MAP4K3: variants seen among roughly 807,000 people sequenced by gnomAD.
The protein encoded by MAP4K3 is mitogen-activated protein kinase kinase kinase kinase 3.
A neutral mutation model predicts 143.5 loss-of-function variants in MAP4K3; 94 were observed. That is an observed-to-expected ratio of 0.65 (90% CI 0.55 to 0.78). The LOEUF (loss-of-function observed/expected upper bound fraction) is 0.78, where lower values mean the gene tolerates loss of function less well. Ranked by LOEUF, MAP4K3 falls within the 30% of genes least tolerant of loss-of-function variation. The pLI is 0.00. For synonymous variants in MAP4K3, 416 were observed against 347.2 expected (o/e 1.20, Z -2.20); for missense variants, 1,077 against 1,068.1 (o/e 1.01, Z -0.12).
At chr2:39,430,673 A>G (rs1665257210) in intron 1 of MAP4K3, among the ~76,000 whole-genome samples, 1 of 152,242 alleles carries the variant, frequency 6.6e-6, no homozygotes, top group African/African-American at 2.4e-5. Flanking sequence ...CTACTGCTGT[A>G]TTCACTAGTC....
intron 12 of MAP4K3, 104 bp downstream of exon 12, chr2:39,325,414 G>A (rs1411360974): frequency 1.6e-6 from 1 of 624,024 alleles, no homozygotes. Flanking sequence ...ATTTAAACTA[G>A]GCCCCAAAAT....
chr2:39,295,216 A>C (rs1682222114), intron 16 of MAP4K3, among the ~76,000 whole-genome samples: 1 of 152,136 alleles, frequency 6.6e-6, no homozygotes, highest in African/African-American at 2.4e-5. Flanking sequence ...TCTGAGTCTC[A>C]GGAGAGAAAT....
chr2:39,374,733 G>A (rs898111205), intron 2 of MAP4K3, among the ~76,000 whole-genome samples: 2 of 151,878 alleles, frequency 1.3e-5, no homozygotes, highest in Admixed American at 1.3e-4. Flanking sequence ...ATTTAAAGCT[G>A]CATAATTAAG....
intron 3 of MAP4K3, among the ~76,000 whole-genome samples, chr2:39,349,641 G>C (rs1007228705): frequency 1.3e-5 from 2 of 151,916 alleles, no homozygotes; most frequent in African/African-American, 4.8e-5. Context: ...AGGGAGAAGG[G>C]AAGAGAAGGG....
chr2:39,303,526 C>T (rs1157126820), intron 15 of MAP4K3, among the ~76,000 whole-genome samples: 1 of 151,836 alleles, frequency 6.6e-6, no homozygotes, highest in Admixed American at 6.6e-5. Context: ...TAGTCATTAA[C>T]ATAGTGTTTT....
At chr2:39,404,595 C>CA (rs1553316875) in intron 1 of MAP4K3, among the ~76,000 whole-genome samples, 1 of 121,960 alleles carries the variant, frequency 8.2e-6, no homozygotes, top group African/African-American at 3.0e-5. Flanking sequence ...TCTGAGGTTT[C>CA]TTTTTTTTTT....
At position 39,258,403 on chromosome 2, in the gene MAP4K3, T is replaced by C. The variant is rs2148437005; in HGVS notation, c.2415A>G (p.Lys805=). ...GTTCTGATGACAATTTCCTGCTAGA[T>C]TTTAATCTTCCTTGGAGATTTACTA... ...IKIVNLQGRL[K]SSRKLSSELT... Residue 805 remains lysine (K), a synonymous_variant, in exon 31 of 34, where the codon AAA becomes AAG. Transcript: ENST00000263881. 1 of 1,611,438 alleles carries C rather than the reference T, an allele frequency of 6.2e-7. No individual in the cohort carries two copies. The highest frequency in any genetic ancestry group is 1.1e-5 in the South Asian group (1 of 90,792).
In MAP4K3 at chr2:39,325,895, T is replaced by G. The variant is rs781239716; in HGVS notation, c.725+4A>C. On this transcript the variant is annotated splice_donor_region_variant and intron_variant, in intron 10 of 33. Coordinates refer to ENST00000263881, the MANE Select transcript of MAP4K3 (RefSeq NM_003618.4). ...ATAAAAGTAAATAACATAAAAATAC[T>G]TACCATTTCATTTTATCCTTTAGTT... is the stretch of plus-strand genomic sequence containing the variant. 5 of 1,575,088 alleles carry G rather than the reference T, an allele frequency of 3.2e-6. No individual in the cohort carries two copies. In the South Asian group the frequency reaches 5.7e-5, roughly 18 times the overall value.
chr2:39,304,019 T>C (rs1315121984), intron 15 of MAP4K3, among the ~76,000 whole-genome samples: 4 of 152,200 alleles, frequency 2.6e-5, no homozygotes, highest in Admixed American at 2.6e-4. Flanking sequence ...TTTATGGTTA[T>C]GGGCAAAACT....
intron 1 of MAP4K3, among the ~76,000 whole-genome samples, chr2:39,397,202 A>T (rs1666832547): frequency 6.6e-6 from 1 of 152,244 alleles, no homozygotes; most frequent in Non-Finnish European, 1.5e-5. Context: ...CTAAAAAAAA[A>T]TCCTATATAG....
At chr2:39,323,908 T>A (rs1305784127) in intron 12 of MAP4K3, 3 of 152,206 alleles carry the variant, frequency 2.0e-5, no homozygotes, top group African/African-American at 7.2e-5. Context: ...TAACAGAGTT[T>A]ATGCTTTAAC....
At chr2:39,343,510 G>A in intron 3 of MAP4K3, 58 bp from the exon 4 acceptor site, 1 of 1,397,148 alleles carries the variant, frequency 7.2e-7, no homozygotes, top group Non-Finnish European at 1.0e-6. Context: ...TCTGTGTGAG[G>A]TAACAAGTAT....
chr2:39,273,102 A>G (rs960632479), intron 24 of MAP4K3, among the ~76,000 whole-genome samples: 3 of 152,164 alleles, frequency 2.0e-5, no homozygotes, highest in Non-Finnish European at 2.9e-5. Flanking sequence ...ATTTAGTACC[A>G]TAAGAACTGA....
chr2:39,352,621 T>G (rs189547702), intron 3 of MAP4K3, among the ~76,000 whole-genome samples: 48 of 152,324 alleles, frequency 3.2e-4, no homozygotes, highest in African/African-American at 1.0e-3. Context: ...CTACTTTTAT[T>G]GTAGGTATAT....
chr2:39,435,069 C>G (rs1402333940), intron 1 of MAP4K3, among the ~76,000 whole-genome samples: 1 of 152,190 alleles, frequency 6.6e-6, no homozygotes, highest in Non-Finnish European at 1.5e-5. Context: ...CGTATACATT[C>G]ATCGAGTTTT....
At chr2:39,282,293 TTC>T (rs1368849493) in intron 22 of MAP4K3, among the ~76,000 whole-genome samples, 3 of 152,002 alleles carry the variant, frequency 2.0e-5, no homozygotes, top group Non-Finnish European at 4.4e-5. Flanking sequence ...AGGCCAGGAA[TTC>T]GAGACCAGCC....
At chr2:39,366,031 C>A (rs1442661173) in intron 2 of MAP4K3, among the ~76,000 whole-genome samples, 1 of 152,160 alleles carries the variant, frequency 6.6e-6, no homozygotes, top group African/African-American at 2.4e-5. Flanking sequence ...ATTAACAGTA[C>A]TTCAGTTGTT....
chr2:39,350,618 T>G (rs929707486), intron 3 of MAP4K3, among the ~76,000 whole-genome samples: 1 of 152,020 alleles, frequency 6.6e-6, no homozygotes, highest in African/African-American at 2.4e-5. Context: ...CTAGAAAAAA[T>G]TTTTTCCCAG....
At chr2:39,267,410 T>G in intron 26 of MAP4K3, 163 bp from the exon 27 acceptor site, 1 of 602,992 alleles carries the variant, frequency 1.7e-6, no homozygotes, top group East Asian at 2.9e-5. Flanking sequence ...CATGGCACGT[T>G]GCCTGTAATC....
Sources: allele counts gnomAD v4.1 joint callset (sites outside exome capture counted in the v4.1 genomes callset), GRCh38; gene constraint gnomAD v4.1.1; transcripts MANE v1.5; gene names NCBI Gene and HGNC (gene_info 2026-07-23, HGNC 2026-07-21).